PCNX2: variants seen among roughly 807,000 people sequenced by gnomAD.
PCNX2 encodes the protein pecanex-like protein 2.
PCNX2 carries 168 observed loss-of-function variants against 223.8 expected under a neutral mutation model. The observed-to-expected ratio is 0.75, with a 90% CI of 0.66 to 0.85. The LOEUF is 0.85. Ranked by LOEUF, PCNX2 falls within the 40% of genes least tolerant of loss-of-function variation. The pLI is 0.00. For synonymous variants in PCNX2, 1,006 were observed against 1,052.6 expected, an observed-to-expected ratio of 0.96 and a Z score of 0.86; for missense variants, 2,507 against 2,675.5, an observed-to-expected ratio of 0.94 and a Z score of 1.39.
At chr1:233,309,285 T>A in the PCNX2 span, among the ~76,000 whole-genome samples, 1 of 152,198 alleles carries the variant, frequency 6.6e-6, no homozygotes, top group Non-Finnish European at 1.5e-5. Context: ...CTCATGCCTA[T>A]AATCCCATGG....
intron 1 of PCNX2, among the ~76,000 whole-genome samples, chr1:233,267,451 C>T (rs1373267491): frequency 1.3e-5 from 2 of 152,140 alleles, no homozygotes; most frequent in Non-Finnish European, 2.9e-5. Context: ...GTGCTACCGT[C>T]ACCACCATCC....
At chr1:233,183,299 T>C (rs1309324202) in intron 15 of PCNX2, among the ~76,000 whole-genome samples, 1 of 152,118 alleles carries the variant, frequency 6.6e-6, no homozygotes, top group Non-Finnish European at 1.5e-5. Flanking sequence ...TGCCTTCACA[T>C]TAGACACCGG....
the PCNX2 span, among the ~76,000 whole-genome samples, chr1:233,304,153 C>A: frequency 6.6e-6 from 1 of 152,190 alleles, no homozygotes; most frequent in Admixed American, 6.6e-5. Context: ...TAAAGTGATG[C>A]ATTTCCAATA....
the PCNX2 span, among the ~76,000 whole-genome samples, chr1:233,305,076 C>T: frequency 6.6e-6 from 1 of 152,096 alleles, no homozygotes; most frequent in Non-Finnish European, 1.5e-5. Context: ...TATCATTCCC[C>T]ATCCCCAAAA....
chr1:233,210,895 C>T (rs1486839720), intron 12 of PCNX2, among the ~76,000 whole-genome samples: 2 of 152,192 alleles, frequency 1.3e-5, no homozygotes, highest in Non-Finnish European at 2.9e-5. Context: ...CGTTTTCCAT[C>T]AGCCCTACCT....
chr1:233,090,293 CAAAG>C (rs1423386690), intron 22 of PCNX2, 103 bp from the exon 23 acceptor site: 2 of 1,342,288 alleles, frequency 1.5e-6, no homozygotes, highest in East Asian at 2.5e-5. Flanking sequence ...TTTTTTCCAC[CAAAG>C]AAAGAACAAA....
In PCNX2 at chr1:233,177,846, C is replaced by G; in HGVS notation, c.3229G>C (p.Glu1077Gln). 1.2e-6 allele frequency: 2 copies of G among 1,613,928 alleles called. No homozygotes were observed. Among genetic ancestry groups the G allele is most frequent in the Non-Finnish European group, 1.7e-6 (2 of 1,179,862 alleles). ...TTGGGGAGAGGGTCAGCAGCTGACT[C>G]TGCCAGATTTTGATGTAAAAATTTA... ...FPKFLHQNLA[E>Q]SAADPLPKKM... Residue 1077 changes from glutamate (E) to glutamine (Q), a missense_variant, in exon 17 of 34, where the codon GAG (glutamate) becomes CAG (glutamine). By Grantham distance (29) the Glu-to-Gln change is conservative. Around this residue, in one of 3 missense-constraint regions of PCNX2, gnomAD observed 1,372 missense variants for 1,509.4 expected, o/e 0.91. Transcript: ENST00000258229.
chr1:233,135,288 A>G (rs955311172), intron 20 of PCNX2, 98 bp from the exon 21 acceptor site: 134 of 1,287,402 alleles, frequency 1.0e-4, no homozygotes, highest in Non-Finnish European at 1.3e-4. Flanking sequence ...TGGTTCATTA[A>G]GAACTTTACA....
intron 25 of PCNX2, chr1:233,033,349 G>A: frequency 3.5e-6 from 1 of 281,820 alleles, no homozygotes; most frequent in Middle Eastern, 1.9e-3. Flanking sequence ...TACGAACACA[G>A]AAACAATGTC....
At chr1:233,302,307 CT>C in the PCNX2 span, among the ~76,000 whole-genome samples, 1 of 151,824 alleles carries the variant, frequency 6.6e-6, no homozygotes, top group Admixed American at 6.6e-5. Context: ...GTTCATTTGA[CT>C]TTATTGGTAT....
chr1:233,200,990 C>T (rs1022112542), intron 13 of PCNX2, among the ~76,000 whole-genome samples: 1 of 138,036 alleles, frequency 7.2e-6, no homozygotes, highest in Non-Finnish European at 1.5e-5. Context: ...TGCACCACTG[C>T]ACTCCAGCCT....
At chr1:233,080,644 G>A (rs1381537134) in intron 23 of PCNX2, among the ~76,000 whole-genome samples, 1 of 152,044 alleles carries the variant, frequency 6.6e-6, no homozygotes, top group Non-Finnish European at 1.5e-5. Context: ...AGGGGCTAGA[G>A]AGCTCTCTGG....
At chr1:233,231,357 T>C (rs12083267) in intron 9 of PCNX2, among the ~76,000 whole-genome samples, 3,137 of 150,094 alleles carry the variant, frequency 0.021, 113 homozygotes, top group African/African-American at 0.072. Context: ...AAAAATAAGA[T>C]GAGGAATAAT....
At position 233,248,821 on chromosome 1, in the gene PCNX2, G is replaced by C. The variant is rs575113367; in HGVS notation, c.2222+1918C>G. On this transcript the variant is annotated intron_variant, in intron 8 of 33. Transcript: ENST00000258229. ...AGAAAGTTCAGCATCAACACATTCA[G>C]TTGCCTCTCAGTCCATCACCCGCGC... 1.1e-4 allele frequency among the ~76,000 whole-genome samples: 16 copies of C among 152,248 alleles called. 1 individual carries two copies. Among genetic ancestry groups the C allele is most frequent in the African/African-American group, 4.8e-5 (2 of 41,534 alleles).
intron 25 of PCNX2, among the ~76,000 whole-genome samples, chr1:233,027,853 T>C (rs1178688780): frequency 4.6e-5 from 7 of 152,368 alleles, no homozygotes; most frequent in Middle Eastern, 6.8e-3. Flanking sequence ...TAAACCTTTC[T>C]TCTTTGCTAA....
At chr1:233,013,981 CTG>C (rs1397831058) in intron 28 of PCNX2, among the ~76,000 whole-genome samples, 1 of 152,156 alleles carries the variant, frequency 6.6e-6, no homozygotes, top group African/African-American at 2.4e-5. Flanking sequence ...AAGGGGACAT[CTG>C]TGCAATGGCC....
chr1:233,244,629 T>G (rs1472249674), intron 8 of PCNX2, among the ~76,000 whole-genome samples: 2 of 152,110 alleles, frequency 1.3e-5, no homozygotes, highest in Non-Finnish European at 2.9e-5. Flanking sequence ...GGAGAATTGT[T>G]GAACCCAGGA....
intron 15 of PCNX2, among the ~76,000 whole-genome samples, chr1:233,197,548 G>A (rs1363021076): frequency 6.6e-6 from 1 of 152,194 alleles, no homozygotes; most frequent in Non-Finnish European, 1.5e-5. Context: ...CAGGATAAAT[G>A]TGGTAACAAA....
chr1:233,040,103 A>G (rs1328360096), intron 25 of PCNX2, among the ~76,000 whole-genome samples: 1 of 152,206 alleles, frequency 6.6e-6, no homozygotes, highest in African/African-American at 2.4e-5. Flanking sequence ...GTCACCATGC[A>G]TTTACGGTAT....
Sources: gnomAD v4.1 joint callset for allele counts (sites outside exome capture counted in the v4.1 genomes callset) on GRCh38, gnomAD v4.1.1 for gene constraint, gnomAD v4.1.1 regional missense constraint, MANE v1.5 for transcripts, NCBI Gene and HGNC (gene_info 2026-07-23, HGNC 2026-07-21) for gene names.